The following ZNF407 variants were observed in gnomAD, a reference collection of about 807,000 sequenced individuals.
ZNF407 encodes zinc finger protein 407.
In ZNF407, 17 loss-of-function variants were observed where a neutral mutation model predicts 131.2. The observed-to-expected ratio is 0.13, with a 90% confidence interval of 0.09 to 0.19. ZNF407 has a LOEUF of 0.19. Among genes scored for constraint, ZNF407 ranks in the 10% least tolerant of loss-of-function variants. ZNF407 has a pLI of 1.00. For missense variants in ZNF407, 2,681 were observed against 2,830.6 expected (o/e 0.95, Z 1.20); for synonymous variants, 1,156 against 1,062.0 (o/e 1.09, Z -1.72).
chr18:74,732,920 T>C (rs577304332), intron 3 of ZNF407, among the ~76,000 whole-genome samples: 2 of 152,288 alleles, frequency 1.3e-5, no homozygotes, highest in East Asian at 1.9e-4. Flanking sequence ...ATAGGTTCAA[T>C]GTTTAATCAA....
intron 8 of ZNF407, among the ~76,000 whole-genome samples, chr18:74,977,319 T>A (rs990262555): frequency 6.6e-6 from 1 of 152,172 alleles, no homozygotes; most frequent in African/African-American, 2.4e-5. Context: ...AACCAACCAG[T>A]CATCAGCGAA....
intron 4 of ZNF407, among the ~76,000 whole-genome samples, chr18:74,789,763 T>C (rs1969790678): frequency 6.6e-6 from 1 of 152,158 alleles, no homozygotes. Context: ...TTTAGTTTCT[T>C]TCTGTTCAAG....
intron 8 of ZNF407, among the ~76,000 whole-genome samples, chr18:74,928,609 A>G (rs1332251758): frequency 6.6e-6 from 1 of 152,188 alleles, no homozygotes; most frequent in Non-Finnish European, 1.5e-5. Context: ...TTCTTATAAG[A>G]CCTGCTATCT....
At chr18:74,671,808 T>C (rs1287180904) in intron 3 of ZNF407, among the ~76,000 whole-genome samples, 2 of 152,226 alleles carry the variant, frequency 1.3e-5, no homozygotes, top group Non-Finnish European at 2.9e-5. Flanking sequence ...GGGGGTTCAT[T>C]GTACTGCCTC....
At chr18:74,644,703 T>G (rs1049922497) in intron 3 of ZNF407, among the ~76,000 whole-genome samples, 4 of 151,952 alleles carry the variant, frequency 2.6e-5, no homozygotes, top group African/African-American at 9.7e-5. Flanking sequence ...ATCCTTCTTA[T>G]CCCCATTTTA....
At chr18:74,826,807 G>A (rs757914169) in intron 4 of ZNF407, among the ~76,000 whole-genome samples, 1 of 152,210 alleles carries the variant, frequency 6.6e-6, no homozygotes, top group African/African-American at 2.4e-5. Flanking sequence ...AAGCAGCGAT[G>A]TCATCTTCTA....
chr18:74,970,138 A>G (rs1972455952), intron 8 of ZNF407, among the ~76,000 whole-genome samples: 1 of 152,130 alleles, frequency 6.6e-6, no homozygotes, highest in Non-Finnish European at 1.5e-5. Flanking sequence ...AGCACAGGAA[A>G]GACTGGCCCC....
chr18:74,890,031 G>A lies in ZNF407; in HGVS notation c.5242G>A (p.Asp1748Asn), dbSNP rs761843050. 6.3e-7 allele frequency: 1 copy of A among 1,586,118 alleles called. No homozygotes were observed. The highest frequency in any genetic ancestry group is 1.3e-5 in the African/African-American group (1 of 74,206). ...GEKPYRCPWC[D>N]YRSNCAENIR... ...AAAGCCCTACAGATGCCCCTGGTGTGACTACAGGTAATGACTCATCACTGA... is the reference window on the plus strand; with the variant it reads ...AAAGCCCTACAGATGCCCCTGGTGTAACTACAGGTAATGACTCATCACTGA... Residue 1748 changes from aspartate to asparagine, a missense_variant, in exon 7 of 9, where the codon GAC (aspartate) becomes AAC (asparagine). Around this residue, in one of 6 missense-constraint regions of ZNF407, gnomAD observed 20 missense variants for 56.4 expected, o/e 0.35. Coordinates refer to ENST00000299687, the MANE Select transcript of ZNF407 (RefSeq NM_017757.3).
At chr18:75,010,666 A>G (rs935523334) in intron 8 of ZNF407, among the ~76,000 whole-genome samples, 2 of 152,174 alleles carry the variant, frequency 1.3e-5, no homozygotes, top group African/African-American at 2.4e-5. Flanking sequence ...CACTTTTACT[A>G]TATAGCCATG....
intron 3 of ZNF407, among the ~76,000 whole-genome samples, chr18:74,736,005 G>A (rs537895265): frequency 7.2e-5 from 11 of 152,310 alleles, no homozygotes; most frequent in Admixed American, 3.9e-4. Flanking sequence ...TGGAATAAAT[G>A]TGAACTTGCA....
At chr18:74,800,993 A>C (rs958890088) in intron 4 of ZNF407, among the ~76,000 whole-genome samples, 1 of 152,080 alleles carries the variant, frequency 6.6e-6, no homozygotes, top group Non-Finnish European at 1.5e-5. Flanking sequence ...TGTTTCAAAG[A>C]GTCTCTTCCA....
chr18:74,997,792 T>A (rs1310850365), intron 8 of ZNF407, among the ~76,000 whole-genome samples: 2 of 152,230 alleles, frequency 1.3e-5, no homozygotes, highest in African/African-American at 4.8e-5. Context: ...TAGTCACTTT[T>A]TTTTACTTCT....
intron 8 of ZNF407, among the ~76,000 whole-genome samples, chr18:74,962,607 C>T (rs1177373906): frequency 1.3e-5 from 2 of 152,232 alleles, no homozygotes; most frequent in South Asian, 2.1e-4. Flanking sequence ...TACGGGTATA[C>T]GCCAAATATG....
chr18:74,816,526 T>C (rs1970269497), intron 4 of ZNF407, among the ~76,000 whole-genome samples: 1 of 152,248 alleles, frequency 6.6e-6, no homozygotes, highest in Non-Finnish European at 1.5e-5. Context: ...GCTCTTAATC[T>C]TGACCCATTT....
At chr18:74,751,975 TAC>T (rs1337075714) in intron 3 of ZNF407, among the ~76,000 whole-genome samples, 4 of 152,240 alleles carry the variant, frequency 2.6e-5, no homozygotes, top group Non-Finnish European at 4.4e-5. Context: ...TGAAGTAGTT[TAC>T]AGTCCCACCA....
At chr18:74,838,625 TTA>T (rs2145128012) in intron 4 of ZNF407, among the ~76,000 whole-genome samples, 1 of 152,316 alleles carries the variant, frequency 6.6e-6, no homozygotes, top group East Asian at 1.9e-4. Context: ...ATGTACTTTA[TTA>T]AAAGTTCTCT....
At chr18:74,840,662 C>T (rs955188432) in intron 4 of ZNF407, among the ~76,000 whole-genome samples, 1 of 152,080 alleles carries the variant, frequency 6.6e-6, no homozygotes, top group African/African-American at 2.4e-5. Flanking sequence ...TACAGGCATG[C>T]CCCACCACAC....
chr18:74,763,926 G>C (rs1324213299), intron 3 of ZNF407, among the ~76,000 whole-genome samples: 1 of 151,498 alleles, frequency 6.6e-6, no homozygotes, highest in Non-Finnish European at 1.5e-5. Context: ...TGTTAGCCAG[G>C]ATGGTCTCGA....
intron 8 of ZNF407, among the ~76,000 whole-genome samples, chr18:74,969,010 G>T (rs139755909): frequency 6.6e-6 from 1 of 152,080 alleles, no homozygotes; most frequent in Admixed American, 6.5e-5. Context: ...CTTCCCTCAG[G>T]TTTGCTGATG....
Sources: allele counts gnomAD v4.1 joint callset (sites outside exome capture counted in the v4.1 genomes callset), GRCh38; gene constraint gnomAD v4.1.1; regional missense constraint gnomAD v4.1.1; transcripts MANE v1.5; gene names NCBI Gene and HGNC (gene_info 2026-07-23, HGNC 2026-07-21).